Variants in TMTC1 observed in about 807,000 individuals in gnomAD.
TMTC1 encodes the protein transmembrane O-mannosyltransferase targeting cadherins 1.
In TMTC1, 73 loss-of-function variants were observed where a neutral mutation model predicts 104.8. The ratio of observed to expected loss-of-function variants is 0.70; its 90% confidence interval spans 0.58 to 0.85. TMTC1 has a LOEUF of 0.85. Ranked by LOEUF, TMTC1 falls within the 40% of genes least tolerant of loss-of-function variation. The probability of loss-of-function intolerance (pLI) is 0.00; values close to 1 mark genes in which losing one functional copy is unlikely to be tolerated. For synonymous variants in TMTC1, 434 were observed against 428.7 expected, an observed-to-expected ratio of 1.01 and a Z score of -0.15; for missense variants, 1,035 against 1,096.1, an observed-to-expected ratio of 0.94 and a Z score of 0.79.
chr12:29,642,137 A>G (rs1938881276), intron 5 of TMTC1, among the ~76,000 whole-genome samples: 1 of 152,206 alleles, frequency 6.6e-6, no homozygotes, highest in Non-Finnish European at 1.5e-5. Context: ...CTGAGGAAGA[A>G]GAGGATTCTA....
Position 29,783,406 on chromosome 12 carries a change from G to A in TMTC1, c.302+44C>T, listed in dbSNP as rs1943881702. On this transcript the variant is annotated intron_variant, in intron 1 of 17. Coordinates refer to ENST00000539277, the MANE Select transcript of TMTC1 (RefSeq NM_001193451.2). The surrounding 1 kb of genome is among the most constrained non-coding windows in gnomAD (Gnocchi z 4.7). ...TCTCCCGGTCCGAGGGACGGGCGGA[G>A]GGTAGAGGAGGCAGCGGCGGCTAGC... The A allele has an allele frequency of 1.6e-6, 2 of 1,273,954 alleles. No individual in the cohort carries two copies. Among genetic ancestry groups the A allele is most frequent in the African/African-American group, 3.1e-5 (2 of 64,872 alleles). 78.9% of individuals were successfully genotyped at this position (1,273,954 alleles called of 1,614,324 possible).
chr12:29,655,024 C>G (rs1016940435), intron 5 of TMTC1, among the ~76,000 whole-genome samples: 4 of 152,132 alleles, frequency 2.6e-5, no homozygotes, highest in African/African-American at 7.2e-5. Flanking sequence ...GCTTGGATTA[C>G]AGGCTCGTGC....
At chr12:29,571,892 C>T (rs1220982337) in intron 9 of TMTC1, among the ~76,000 whole-genome samples, 4 of 152,160 alleles carry the variant, frequency 2.6e-5, no homozygotes, top group Admixed American at 1.3e-4. Context: ...AGAAAACACG[C>T]AAGACTTACA....
At chr12:29,511,197 C>T (rs1386887156) in intron 17 of TMTC1, among the ~76,000 whole-genome samples, 1 of 152,194 alleles carries the variant, frequency 6.6e-6, no homozygotes, top group Non-Finnish European at 1.5e-5. Flanking sequence ...TATACATATA[C>T]ATATGCACAT....
At chr12:29,584,703 C>T (rs1354520241) in intron 7 of TMTC1, among the ~76,000 whole-genome samples, 2 of 151,720 alleles carry the variant, frequency 1.3e-5, no homozygotes, top group African/African-American at 2.4e-5. Flanking sequence ...GGTTTTTTGT[C>T]CTTCTGATAG....
intron 5 of TMTC1, among the ~76,000 whole-genome samples, chr12:29,700,264 A>C: frequency 7.2e-6 from 1 of 138,066 alleles, no homozygotes; most frequent in Non-Finnish European, 1.6e-5. Flanking sequence ...ACAGAGTCTC[A>C]CTCTGTCACC....
chr12:29,546,645 C>T (rs1459920317), intron 10 of TMTC1, among the ~76,000 whole-genome samples: 2 of 152,194 alleles, frequency 1.3e-5, no homozygotes, highest in Non-Finnish European at 2.9e-5. Flanking sequence ...TGATCTCCTA[C>T]TGGGCTTTAG....
At chr12:29,748,265 C>G (rs1943005934) in intron 5 of TMTC1, among the ~76,000 whole-genome samples, 1 of 152,152 alleles carries the variant, frequency 6.6e-6, no homozygotes, top group Non-Finnish European at 1.5e-5. Context: ...AAAAAGTAAT[C>G]TACAAAGCAT....
chr12:29,583,487 G>A lies in TMTC1; in HGVS notation c.1338C>T (p.Ser446=), dbSNP rs1306485968. 4 of 1,613,902 alleles carry A rather than the reference G, an allele frequency of 2.5e-6. No homozygotes were observed. The highest frequency in any genetic ancestry group is 1.7e-5 in the Admixed American group (1 of 59,976). Residue 446 remains serine, a synonymous_variant, in exon 8 of 18, where the codon TCC becomes TCT. Coordinates refer to ENST00000539277, the MANE Select transcript of TMTC1 (RefSeq NM_001193451.2). ...AGAAAAGCAACAGCAGCAACACAGT[G>A]GACACAATCAGGGTGGTGGCCCCAC... is the stretch of plus-strand genomic sequence containing the variant. ...NRCGATTLIV[S]TVLLLLLFSW... is the part of the protein sequence containing the mutation.
At chr12:29,680,111 G>T (rs960133420) in intron 5 of TMTC1, among the ~76,000 whole-genome samples, 1 of 152,146 alleles carries the variant, frequency 6.6e-6, no homozygotes, top group Non-Finnish European at 1.5e-5. Context: ...GTGTCGTTAG[G>T]AACCAGAGTT....
rs775327915 is a variant in TMTC1, at chr12:29,583,428, A to C, written c.1397T>G (p.Leu466Arg). 4 of 1,613,954 alleles carry C rather than the reference A, an allele frequency of 2.5e-6. No individual in the cohort carries two copies. The South Asian group carries it at 4.4e-5, about 18-fold the overall frequency. ...ATACCTGAATAGGGACTCTCTTGAC[A>C]GCCAAATTTCATTCTGTTTCACAGT... ...WKTVKQNEIW[L>R]SRESLFRSGV... is the part of the protein sequence containing the mutation. Residue 466 changes from leucine (L) to arginine (R), a missense_variant, in exon 8 of 18, where the codon CTG (leucine) becomes CGG (arginine). Coordinates refer to ENST00000539277, the MANE Select transcript of TMTC1 (RefSeq NM_001193451.2).
At chr12:29,703,374 A>G (rs57697154) in intron 5 of TMTC1, among the ~76,000 whole-genome samples, 29,649 of 152,120 alleles carry the variant, frequency 0.19, 3,327 homozygotes, top group Non-Finnish European at 0.27. Flanking sequence ...AGCTTGAGGT[A>G]TATGTTATTA....
chr12:29,756,043 C>T (rs1006103983), intron 3 of TMTC1, among the ~76,000 whole-genome samples, 158 bp from the exon 4 acceptor site: 3 of 152,192 alleles, frequency 2.0e-5, no homozygotes, highest in Non-Finnish European at 4.4e-5. Context: ...CCCCACAATA[C>T]TGAATTTTGT....
chr12:29,522,607 G>T (rs1440798572), intron 11 of TMTC1, among the ~76,000 whole-genome samples: 1 of 151,840 alleles, frequency 6.6e-6, no homozygotes, highest in Non-Finnish European at 1.5e-5. Context: ...AGGCAGAACA[G>T]AAATTATATA....
intron 1 of TMTC1, among the ~76,000 whole-genome samples, chr12:29,773,072 ATAATCT>A (rs975920436): frequency 1.3e-5 from 2 of 152,206 alleles, no homozygotes; most frequent in South Asian, 2.1e-4. Context: ...ATTTTTGGAA[ATAATCT>A]TAATAGCCAT....
At chr12:29,676,333 A>G (rs184145541) in intron 5 of TMTC1, among the ~76,000 whole-genome samples, 3 of 152,280 alleles carry the variant, frequency 2.0e-5, no homozygotes, top group Admixed American at 2.0e-4. Flanking sequence ...TGACTATAAG[A>G]TTATCCAAAA....
intron 7 of TMTC1, among the ~76,000 whole-genome samples, chr12:29,593,789 A>C (rs1353947536): frequency 6.6e-6 from 1 of 152,268 alleles, no homozygotes; most frequent in Non-Finnish European, 1.5e-5. Flanking sequence ...AAACCTGATA[A>C]GAAATAAAAG....
At chr12:29,676,514 G>A (rs1314234586) in intron 5 of TMTC1, among the ~76,000 whole-genome samples, 1 of 152,172 alleles carries the variant, frequency 6.6e-6, no homozygotes, top group African/African-American at 2.4e-5. Flanking sequence ...AAACTCCAGA[G>A]CATATATTTT....
intron 10 of TMTC1, among the ~76,000 whole-genome samples, chr12:29,538,570 T>C (rs190542967): frequency 8.5e-5 from 13 of 152,300 alleles, no homozygotes; most frequent in Admixed American, 5.9e-4. Context: ...AGCAATGACT[T>C]AATGGTTTTC....
Sources: allele counts gnomAD v4.1 joint callset (sites outside exome capture counted in the v4.1 genomes callset), GRCh38; gene constraint gnomAD v4.1.1; non-coding constraint Gnocchi (gnomAD v3.1); transcripts MANE v1.5; gene names NCBI Gene and HGNC (gene_info 2026-07-23, HGNC 2026-07-21).